The following KLF13 variants were observed in gnomAD, a reference collection of about 807,000 sequenced individuals.
KLF13 encodes the protein KLF transcription factor 13.
In KLF13, 8 loss-of-function variants were observed where a neutral mutation model predicts 16.7. The observed-to-expected ratio is 0.48, with a 90% CI of 0.28 to 0.87. The LOEUF (loss-of-function observed/expected upper bound fraction) is 0.87, where lower values mean the gene tolerates loss of function less well. KLF13 is among the 40% of genes least tolerant of loss of function. KLF13 has a pLI of 0.10. For missense variants in KLF13, 447 were observed against 452.2 expected, an observed-to-expected ratio of 0.99 and a Z score of 0.10; for synonymous variants, 245 against 208.4, an observed-to-expected ratio of 1.18 and a Z score of -1.51.
At chr15:31,384,997 G>A (rs148125372) in intron 1 of KLF13, among the ~76,000 whole-genome samples, 5 of 152,256 alleles carry the variant, frequency 3.3e-5, no homozygotes, top group African/African-American at 1.2e-4. Flanking sequence ...GACCATGAGG[G>A]TGGATCTCAT....
chr15:31,409,054 G>A (rs532669885), downstream of KLF13, among the ~76,000 whole-genome samples: 11 of 152,290 alleles, frequency 7.2e-5, no homozygotes, highest in African/African-American at 2.4e-4. Flanking sequence ...GGAGCCTGAG[G>A]TGTGTGGATC....
At chr15:31,399,402 T>A (rs926752011) in intron 2 of KLF13, among the ~76,000 whole-genome samples, 4 of 152,158 alleles carry the variant, frequency 2.6e-5, no homozygotes, top group Non-Finnish European at 5.9e-5. Context: ...TGACCTCAGG[T>A]GATCCACCCA....
At chr15:31,347,562 G>C (rs1213687498) in intron 1 of KLF13, among the ~76,000 whole-genome samples, 1 of 152,212 alleles carries the variant, frequency 6.6e-6, no homozygotes, top group Admixed American at 6.5e-5. Context: ...CCTTGGAGGT[G>C]CTGCTCATGA....
At chr15:31,414,302 C>G (rs1254605991) in intron 1 of KLF13, among the ~76,000 whole-genome samples, 1 of 151,710 alleles carries the variant, frequency 6.6e-6, no homozygotes, top group African/African-American at 2.4e-5. Context: ...AGTAAAGCAG[C>G]AATGGAAGAA....
At position 31,434,673 on chromosome 15, in the gene KLF13, G is replaced by T. The variant is rs572938288; in HGVS notation, n.118-697G>T. Among the ~76,000 whole-genome samples the T allele has an allele frequency of 1.1e-4, 16 of 152,358 alleles. No homozygotes were observed. In the East Asian group the frequency reaches 2.9e-3, roughly 28 times the overall value. On this transcript the variant is annotated intron_variant and non_coding_transcript_variant, in intron 1 of 1. Coordinates refer to the KLF13 transcript ENST00000558225. ...GGGTTAAGAGCAGAAATCAAAAACA[G>T]GTTTGTTTGTGAGTCAGTAGCTGGG...
chr15:31,407,567 AAGTT>A (rs2040144039), downstream of KLF13, among the ~76,000 whole-genome samples: 1 of 152,238 alleles, frequency 6.6e-6, no homozygotes, highest in African/African-American at 2.4e-5. Context: ...AAGATTTTAA[AAGTT>A]AACCACCCAT....
intron 1 of KLF13, among the ~76,000 whole-genome samples, 192 bp from the exon 2 acceptor site, chr15:31,371,818 C>T (rs913377694): frequency 3.2e-4 from 49 of 152,246 alleles, no homozygotes; most frequent in African/African-American, 1.2e-3. Flanking sequence ...GCCTCCATCC[C>T]AGGCGTGGGC....
At position 31,329,141 on chromosome 15, in the gene KLF13, G is replaced by A. The variant is rs562363876; in HGVS notation, c.577+1352G>A. Among the ~76,000 whole-genome samples the A allele has an allele frequency of 4.6e-5, 7 of 152,166 alleles. No individual in the cohort carries two copies. The East Asian group carries it at 7.7e-4, about 17-fold the overall frequency. On this transcript the variant is annotated intron_variant, in intron 1 of 1. Coordinates refer to ENST00000307145, the MANE Select transcript of KLF13 (RefSeq NM_015995.4). ...GCTCCAAACCACGTGGCAGGTGATG[G>A]GGTAGAGGGTGAGAGCGGGGCCATT...
rs1272905655 is a variant in KLF13, at chr15:31,374,806, C to A, written c.*2507C>A. On this transcript the variant is annotated 3_prime_UTR_variant, in exon 2 of 2. Coordinates refer to ENST00000307145, the MANE Select transcript of KLF13 (RefSeq NM_015995.4). ...GGAAGGAAAAGATAGGACTCTAAACCTAGTCATCTTGGAATAAAAAGAAGA... is the reference window on the plus strand; with the variant it reads ...GGAAGGAAAAGATAGGACTCTAAACATAGTCATCTTGGAATAAAAAGAAGA... The A allele has an allele frequency of 7.4e-6, 1 of 135,566 alleles. No homozygotes were observed. The highest frequency in any genetic ancestry group is 2.9e-5 in the African/African-American group (1 of 34,864). 8.4% of individuals were successfully genotyped at this position (135,566 alleles called of 1,614,324 possible). A position where few individuals can be genotyped will look rare whatever the true frequency, so the allele number is the denominator to read the frequency against.
intron 1 of KLF13, chr15:31,340,013 T>A (rs1344596178): frequency 7.1e-6 from 5 of 702,294 alleles, no homozygotes; most frequent in Non-Finnish European, 1.0e-5. Context: ...AGTGGCTTTG[T>A]TTATTTTACT....
At chr15:31,367,783 C>T (rs376817455) in intron 1 of KLF13, among the ~76,000 whole-genome samples, 6 of 152,280 alleles carry the variant, frequency 3.9e-5, no homozygotes, top group African/African-American at 1.2e-4. Context: ...GTGCTGAGGC[C>T]GGTCGTGCGC....
In KLF13 at chr15:31,327,350, GC is replaced by G; in HGVS notation, c.142del (p.Arg48AlafsTer21). 7.8e-7 allele frequency: 1 copy of G among 1,276,128 alleles called. No homozygotes were observed. The highest frequency in any genetic ancestry group is 9.9e-7 in the Non-Finnish European group (1 of 1,013,272). 79.1% of individuals were successfully genotyped at this position (1,276,128 alleles called of 1,614,324 possible). On this transcript the variant is annotated frameshift_variant, in exon 1 of 2. Transcript: ENST00000307145. LOFTEE classifies it high-confidence loss of function. ...GAAVAATPTL[P>X]RVEERRDGKD... The stretch of plus-strand genomic sequence containing the variant: ...CGGCCGTGGCCGCCACCCCCACGCT[GC>G]CCCGCGTCGAGGAGCGCCGCGACGG...
At chr15:31,411,721 A>C (rs76660613) in intron 1 of KLF13, among the ~76,000 whole-genome samples, 1 of 151,950 alleles carries the variant, frequency 6.6e-6, no homozygotes, top group Non-Finnish European at 1.5e-5. Flanking sequence ...AAAATTTTTT[A>C]AAAAAGAAAA....
In KLF13 at chr15:31,373,324, C is replaced by T. The variant is rs1017080667; in HGVS notation, c.*1025C>T. ...GTGAGCGGCTGTGCATGTGGCAGCG[C>T]ACCATGCTTCACAGAGACCATTCTG... On this transcript the variant is annotated 3_prime_UTR_variant, in exon 2 of 2. Transcript: ENST00000307145. The T allele has an allele frequency of 2.0e-5, 3 of 152,274 alleles. No homozygotes were observed. The highest frequency in any genetic ancestry group is 7.2e-5 in the African/African-American group (3 of 41,468). 9.4% of individuals were successfully genotyped at this position (152,274 alleles called of 1,614,324 possible). A position where few individuals can be genotyped will look rare whatever the true frequency, so the allele number is the denominator to read the frequency against.
Position 31,372,444 on chromosome 15 carries a change from A to T in KLF13, c.*145A>T. 1.2e-6 allele frequency: 1 copy of T among 868,420 alleles called. No homozygotes were observed. Among genetic ancestry groups the T allele is most frequent in the Non-Finnish European group, 1.6e-6 (1 of 618,834 alleles). 53.8% of individuals were successfully genotyped at this position (868,420 alleles called of 1,614,324 possible). A position where few individuals can be genotyped will look rare whatever the true frequency, so the allele number is the denominator to read the frequency against. On this transcript the variant is annotated 3_prime_UTR_variant, in exon 2 of 2. Coordinates refer to ENST00000307145, the MANE Select transcript of KLF13 (RefSeq NM_015995.4). ...CCTCAGGTGTCAAAGTAAATTTGTT[A>T]AAAAAACAAAAAAAACACAAAAATT...
rs543538991 is a variant in KLF13 at position 31,338,642 on chromosome 15, G to T, written c.577+10853G>T. Among the ~76,000 whole-genome samples, 35 of 152,244 alleles carry T rather than the reference G, an allele frequency of 2.3e-4. No homozygotes were observed. The South Asian group carries it at 6.8e-3, about 30-fold the overall frequency. On this transcript the variant is annotated intron_variant, in intron 1 of 1. Coordinates refer to ENST00000307145, the MANE Select transcript of KLF13 (RefSeq NM_015995.4). ...TGGGACCCTGGAGCCAAGCCAGAGGGTGTGTACCCTTGGTCCCTGATGAGG... is the reference window on the plus strand; with the variant it reads ...TGGGACCCTGGAGCCAAGCCAGAGGTTGTGTACCCTTGGTCCCTGATGAGG...
At chr15:31,406,478 C>G (rs2140997953), downstream of KLF13, among the ~76,000 whole-genome samples, 1 of 152,142 alleles carries the variant, frequency 6.6e-6, no homozygotes, top group South Asian at 2.1e-4. Context: ...GCCTAGGTGA[C>G]AGAGTGAGAC....
rs186957941 is a variant in KLF13, at chr15:31,414,394, G to A, written n.117+20703G>A. Among the ~76,000 whole-genome samples, 520 of 152,132 alleles carry A rather than the reference G, an allele frequency of 3.4e-3. 1 individual carries two copies. The highest frequency in any genetic ancestry group is 6.4e-3 in the African/African-American group (265 of 41,516). ...TATCAATAATATCAAATGCGAGAGC[G>A]AATTAAACATTTCTCAAAAGGCAAA... On this transcript the variant is annotated intron_variant and non_coding_transcript_variant, in intron 1 of 1. Coordinates refer to the KLF13 transcript ENST00000558225.
chr15:31,339,435 C>A (rs537883354), intron 1 of KLF13, among the ~76,000 whole-genome samples: 1 of 152,192 alleles, frequency 6.6e-6, no homozygotes, highest in Non-Finnish European at 1.5e-5. Flanking sequence ...GAGGACCCCC[C>A]ACTGCCGACA....
Sources: gnomAD v4.1 joint callset for allele counts (sites outside exome capture counted in the v4.1 genomes callset) on GRCh38, gnomAD v4.1.1 for gene constraint, MANE v1.5 for transcripts, NCBI Gene and HGNC (gene_info 2026-07-23, HGNC 2026-07-21) for gene names.